The following FSTL4 variants were observed in gnomAD, a reference collection of about 807,000 sequenced individuals.
FSTL4 encodes follistatin-related protein 4.
A neutral mutation model predicts 78.2 loss-of-function variants in FSTL4; 28 were observed. The ratio of observed to expected loss-of-function variants is 0.36; its 90% CI spans 0.27 to 0.49. The LOEUF (loss-of-function observed/expected upper bound fraction) is 0.49, where lower values mean the gene tolerates loss of function less well. FSTL4 is among the 20% of genes least tolerant of loss of function. FSTL4 has a pLI of 0.98. For missense variants in FSTL4, 922 were observed against 1,084.9 expected (o/e 0.85, Z 2.11); for synonymous variants, 422 against 440.5 (o/e 0.96, Z 0.53).
chr5:133,753,031 A>G, the FSTL4 span, among the ~76,000 whole-genome samples: 1 of 152,374 alleles, frequency 6.6e-6, no homozygotes, highest in African/African-American at 2.4e-5. Context: ...TAACCCCTTT[A>G]AAAGAAAACT....
At chr5:133,410,879 AGCT>A (rs1756464586) in intron 3 of FSTL4, among the ~76,000 whole-genome samples, 2 of 152,222 alleles carry the variant, frequency 1.3e-5, no homozygotes. Context: ...ATCAAGACAA[AGCT>A]TAGTAACAAT....
chr5:133,610,565 T>C (rs1479306537), intron 1 of FSTL4, among the ~76,000 whole-genome samples: 1 of 152,214 alleles, frequency 6.6e-6, no homozygotes, highest in East Asian at 1.9e-4. Flanking sequence ...ACGTGCCCTG[T>C]AGGGCATCTG....
chr5:133,435,926 C>A (rs2126999286), intron 3 of FSTL4, among the ~76,000 whole-genome samples: 1 of 152,252 alleles, frequency 6.6e-6, no homozygotes. Flanking sequence ...AGAACTTCGC[C>A]CACTCTTTTT....
intron 4 of FSTL4, among the ~76,000 whole-genome samples, chr5:133,332,836 A>T (rs906707324): frequency 1.6e-4 from 24 of 152,218 alleles, no homozygotes; most frequent in African/African-American, 5.8e-4. Context: ...TTTTACCACG[A>T]ATGGTGCTCT....
chr5:133,495,095 G>A (rs1463418965), intron 3 of FSTL4, among the ~76,000 whole-genome samples: 1 of 152,112 alleles, frequency 6.6e-6, no homozygotes, highest in African/African-American at 2.4e-5. Context: ...CCGGGGAAAC[G>A]AGCAGCCAGA....
the FSTL4 span, among the ~76,000 whole-genome samples, chr5:133,679,917 C>T: frequency 1.3e-5 from 2 of 152,146 alleles, no homozygotes; most frequent in Non-Finnish European, 2.9e-5. Context: ...TCACTACTCT[C>T]CCAAGAAGTC....
At chr5:133,283,313 C>T (rs1412086191) in intron 6 of FSTL4, among the ~76,000 whole-genome samples, 1 of 152,026 alleles carries the variant, frequency 6.6e-6, no homozygotes, top group Non-Finnish European at 1.5e-5. Context: ...CGGGGCCATG[C>T]CGTGCCTTGA....
the FSTL4 span, among the ~76,000 whole-genome samples, chr5:133,763,639 G>T: frequency 6.6e-6 from 1 of 152,064 alleles, no homozygotes; most frequent in Non-Finnish European, 1.5e-5. Flanking sequence ...GTTTCCCCAA[G>T]TACCTTCATT....
chr5:133,217,245 G>A lies in FSTL4; in HGVS notation c.1592C>T (p.Ala531Val). ...GAGGTGTACCTGTAGGACTTTCTGG[G>A]CTTGGATGTCGACCACAAGGACTCT... is the stretch of plus-strand genomic sequence containing the variant. ...LSRVLVVDIQ[A>V]QKVLQSIGVD... Residue 531 changes from alanine (A) to valine (V), a missense_variant, in exon 13 of 16, where the codon GCC (alanine) becomes GTC (valine). Physicochemically the swap from Ala to Val is moderately conservative, Grantham distance 64. Transcript: ENST00000265342. 3 of 1,613,930 alleles carry A rather than the reference G, an allele frequency of 1.9e-6. No individual in the cohort carries two copies. Among genetic ancestry groups the A allele is most frequent in the Non-Finnish European group, 1.7e-6 (2 of 1,179,850 alleles).
chr5:133,319,851 A>G (rs1233538491), intron 4 of FSTL4, among the ~76,000 whole-genome samples: 1 of 152,170 alleles, frequency 6.6e-6, no homozygotes, highest in Admixed American at 6.5e-5. Flanking sequence ...GCAAGAGAGA[A>G]CTTTGCCCAA....
the FSTL4 span, among the ~76,000 whole-genome samples, chr5:133,671,044 G>C: frequency 6.6e-6 from 1 of 152,114 alleles, no homozygotes; most frequent in Non-Finnish European, 1.5e-5. Flanking sequence ...GGCACATCAA[G>C]GCTACTATTC....
the FSTL4 span, among the ~76,000 whole-genome samples, chr5:133,677,742 A>C: frequency 2.6e-5 from 4 of 152,222 alleles, no homozygotes; most frequent in Non-Finnish European, 5.9e-5. Context: ...CAAGTTGCTT[A>C]ACATTTCTGA....
chr5:133,670,663 C>G, the FSTL4 span, among the ~76,000 whole-genome samples: 31 of 152,212 alleles, frequency 2.0e-4, no homozygotes, highest in Non-Finnish European at 1.2e-4. Flanking sequence ...GTGTGGGAGA[C>G]AGATTACTTT....
intron 8 of FSTL4, among the ~76,000 whole-genome samples, chr5:133,229,002 C>T (rs750494299): frequency 1.3e-5 from 2 of 152,082 alleles, no homozygotes; most frequent in Non-Finnish European, 2.9e-5. Context: ...TGGTACGTAA[C>T]GAGGCCAGTA....
intron 4 of FSTL4, among the ~76,000 whole-genome samples, chr5:133,321,309 C>T (rs974066418): frequency 6.6e-6 from 1 of 152,226 alleles, no homozygotes; most frequent in Non-Finnish European, 1.5e-5. Context: ...CTGATGTAAG[C>T]TGGCACCCCT....
chr5:133,739,515 T>C, the FSTL4 span, among the ~76,000 whole-genome samples: 1 of 152,184 alleles, frequency 6.6e-6, no homozygotes, highest in African/African-American at 2.4e-5. Flanking sequence ...TCACCCACCC[T>C]GACAGGAGAA....
At chr5:133,788,177 G>A in the FSTL4 span, among the ~76,000 whole-genome samples, 5 of 152,330 alleles carry the variant, frequency 3.3e-5, no homozygotes, top group East Asian at 1.9e-4. Context: ...GCTGGAGAAG[G>A]GGACGTGAGA....
At chr5:133,669,099 T>C in the FSTL4 span, among the ~76,000 whole-genome samples, 8 of 152,234 alleles carry the variant, frequency 5.3e-5, no homozygotes, top group Non-Finnish European at 1.2e-4. Flanking sequence ...GCTTCAATGA[T>C]GGGATTTAGG....
intron 3 of FSTL4, among the ~76,000 whole-genome samples, chr5:133,432,258 A>G (rs1421131793): frequency 6.6e-6 from 1 of 152,242 alleles, no homozygotes; most frequent in East Asian, 1.9e-4. Flanking sequence ...AGATGTGACA[A>G]GTCCAGGACC....
Sources: gnomAD v4.1 joint callset for allele counts (sites outside exome capture counted in the v4.1 genomes callset) on GRCh38, gnomAD v4.1.1 for gene constraint, MANE v1.5 for transcripts, NCBI Gene and HGNC (gene_info 2026-07-23, HGNC 2026-07-21) for gene names.